The following RB1CC1 variants were observed in gnomAD, a reference collection of about 807,000 sequenced individuals.
RB1CC1 encodes the protein RB1 inducible coiled-coil 1, also known as RB1-inducible coiled-coil protein 1.
In RB1CC1, 46 loss-of-function variants were observed where a neutral mutation model predicts 177.5. The ratio of observed to expected loss-of-function variants is 0.26; its 90% CI spans 0.20 to 0.33. The LOEUF (loss-of-function observed/expected upper bound fraction) is 0.33. Among genes scored for constraint, RB1CC1 ranks in the 10% least tolerant of loss-of-function variants. The pLI is 1.00. For missense variants in RB1CC1, 1,703 were observed against 1,816.3 expected (o/e 0.94, Z 1.13); for synonymous variants, 666 against 613.6 (o/e 1.09, Z -1.26).
At chr8:52,658,204 T>C in intron 13 of RB1CC1, 80 bp from the exon 14 acceptor site, 2 of 1,383,564 alleles carry the variant, frequency 1.4e-6, no homozygotes, top group East Asian at 2.3e-5. Flanking sequence ...TTTTAATATG[T>C]CAAAAATAAC....
chr8:52,661,371 A>T, intron 9 of RB1CC1, 90 bp from the exon 10 acceptor site: 1 of 1,517,354 alleles, frequency 6.6e-7, no homozygotes, highest in East Asian at 2.3e-5. Context: ...TAGTTAAGCC[A>T]AAGAAATCAA....
chr8:52,648,819 A>C (rs941251639), intron 15 of RB1CC1, among the ~76,000 whole-genome samples: 1 of 152,248 alleles, frequency 6.6e-6, no homozygotes, highest in East Asian at 1.9e-4. Context: ...CTAAATCAAG[A>C]ACTTTCATCT....
At chr8:52,642,245 T>C in intron 18 of RB1CC1, 106 bp downstream of exon 18, 1 of 1,371,726 alleles carries the variant, frequency 7.3e-7, no homozygotes. Context: ...TTCAGATACA[T>C]GGGCTGTGGA....
At chr8:52,705,019 T>C (rs186361833) in intron 1 of RB1CC1, among the ~76,000 whole-genome samples, 59 of 152,302 alleles carry the variant, frequency 3.9e-4, no homozygotes, top group Admixed American at 2.4e-3. Flanking sequence ...CTTAAATTAT[T>C]TGACCCTCTG....
At chr8:52,702,374 T>C (rs978123193) in intron 1 of RB1CC1, among the ~76,000 whole-genome samples, 2 of 152,192 alleles carry the variant, frequency 1.3e-5, no homozygotes, top group Admixed American at 6.5e-5. Context: ...GAATGAATCT[T>C]CTCCAGAAGA....
chr8:52,635,880 C>A, intron 19 of RB1CC1, 135 bp downstream of exon 19: 2 of 1,102,552 alleles, frequency 1.8e-6, no homozygotes, highest in Non-Finnish European at 2.5e-6. Flanking sequence ...AAACAGTGAC[C>A]ACAAAAATAA....
intron 1 of RB1CC1, among the ~76,000 whole-genome samples, chr8:52,693,966 C>G (rs1855133723): frequency 6.6e-6 from 1 of 152,140 alleles, no homozygotes; most frequent in Non-Finnish European, 1.5e-5. Flanking sequence ...GTGATCTTGG[C>G]ATGTAGCAGA....
At chr8:52,624,946 T>A (rs1848279194) in intron 22 of RB1CC1, among the ~76,000 whole-genome samples, 159 bp from the exon 23 acceptor site, 1 of 152,120 alleles carries the variant, frequency 6.6e-6, no homozygotes, top group South Asian at 2.1e-4. Context: ...CTTAACAATT[T>A]ACAAAACTAA....
intron 7 of RB1CC1, among the ~76,000 whole-genome samples, chr8:52,672,419 T>C (rs1330649081): frequency 6.6e-6 from 1 of 152,174 alleles, no homozygotes; most frequent in African/African-American, 2.4e-5. Flanking sequence ...TATATAACTC[T>C]GTTTTGACAT....
At position 52,656,220 on chromosome 8, in the gene RB1CC1, CTCT is replaced by C. The variant is rs1449912241; in HGVS notation, c.3606_3608del (p.Glu1203del). The C allele has an allele frequency of 6.2e-7, 1 of 1,613,436 alleles. No individual in the cohort carries two copies. Among genetic ancestry groups the C allele is most frequent in the Admixed American group, 1.7e-5 (1 of 59,948 alleles). On this transcript the variant is annotated inframe_deletion, in exon 15 of 24. Coordinates refer to ENST00000025008, the MANE Select transcript of RB1CC1 (RefSeq NM_014781.5). Reference sequence around the variant, plus strand: ...GGTTCTGGATAATAGCTTCGTATTTCTCTTCTTGTTGGGTAATTTTTTCATCTT... The same window carrying C: ...GGTTCTGGATAATAGCTTCGTATTTCTCTTGTTGGGTAATTTTTTCATCTT...
At chr8:52,678,960 C>T (rs974504178) in intron 5 of RB1CC1, among the ~76,000 whole-genome samples, 4 of 152,068 alleles carry the variant, frequency 2.6e-5, no homozygotes, top group African/African-American at 7.2e-5. Flanking sequence ...TTCATGAAAC[C>T]AACCAAATAC....
intron 15 of RB1CC1, among the ~76,000 whole-genome samples, chr8:52,652,170 A>G (rs1411838698): frequency 1.3e-5 from 2 of 152,146 alleles, no homozygotes; most frequent in African/African-American, 2.4e-5. Context: ...AGTTTTTATT[A>G]AAAAATCTTA....
At chr8:52,691,407 A>G (rs1854846451) in intron 1 of RB1CC1, among the ~76,000 whole-genome samples, 1 of 152,230 alleles carries the variant, frequency 6.6e-6, no homozygotes, top group South Asian at 2.1e-4. Flanking sequence ...GCTGACCAAA[A>G]AAAGCTGAAA....
At chr8:52,664,365 A>C (rs1851881354) in intron 8 of RB1CC1, among the ~76,000 whole-genome samples, 1 of 152,180 alleles carries the variant, frequency 6.6e-6, no homozygotes, top group Non-Finnish European at 1.5e-5. Context: ...GGAGTACCAA[A>C]AAATATCCAT....
intron 21 of RB1CC1, among the ~76,000 whole-genome samples, chr8:52,629,976 T>C (rs567220907): frequency 6.6e-6 from 1 of 152,308 alleles, no homozygotes; most frequent in East Asian, 1.9e-4. Flanking sequence ...GAGGGCTGTG[T>C]CACAGGCCAT....
chr8:52,706,517 G>A (rs1230752035), intron 1 of RB1CC1, among the ~76,000 whole-genome samples: 1 of 151,628 alleles, frequency 6.6e-6, no homozygotes, highest in Non-Finnish European at 1.5e-5. Flanking sequence ...CGGATCATGA[G>A]GTCAGGAGAT....
At chr8:52,660,785 A>G in intron 11 of RB1CC1, 128 bp from the exon 12 acceptor site, 1 of 1,096,536 alleles carries the variant, frequency 9.1e-7, no homozygotes, top group Non-Finnish European at 1.3e-6. Context: ...AATGGATTCA[A>G]TTCTATACAC....
Position 52,645,788 on chromosome 8 carries a change from T to C in RB1CC1, c.3901A>G (p.Lys1301Glu), listed in dbSNP as rs749958673. ...TGCTCTTCAAGTTGTTCTAGAAACT[T>C]AGCTTTTTCTTCCTGAAGCTTTTCT... is the stretch of plus-strand genomic sequence containing the variant. ...LQEKLQEEKA[K>E]FLEQLEEQEK... The change falls in exon 16 of 24, where the codon AAG (lysine) becomes GAG (glutamate). Residue 1301 changes from lysine to glutamate, a missense_variant. Around this residue, in one of 6 missense-constraint regions of RB1CC1, gnomAD observed 1,169 missense variants for 1,184.7 expected, o/e 0.99. Transcript: ENST00000025008. 4 of 1,611,232 alleles carry C rather than the reference T, an allele frequency of 2.5e-6. No individual in the cohort carries two copies. In the South Asian group the frequency reaches 3.3e-5, roughly 13 times the overall value.
chr8:52,636,777 G>C (rs1263912168), intron 18 of RB1CC1, among the ~76,000 whole-genome samples: 1 of 152,110 alleles, frequency 6.6e-6, no homozygotes, highest in Non-Finnish European at 1.5e-5. Flanking sequence ...GTGAGGAAAG[G>C]GTCCAACTTC....
Sources: allele counts gnomAD v4.1 joint callset (sites outside exome capture counted in the v4.1 genomes callset), GRCh38; gene constraint gnomAD v4.1.1; regional missense constraint gnomAD v4.1.1; transcripts MANE v1.5; gene names NCBI Gene and HGNC (gene_info 2026-07-23, HGNC 2026-07-21).